Variants in KIAA1328 observed in about 807,000 individuals in gnomAD.
KIAA1328 encodes KIAA1328, also known as protein hinderin.
Under a neutral mutation model 68.1 loss-of-function variants are expected in KIAA1328, and 52 were observed. The ratio of observed to expected loss-of-function variants is 0.76; its 90% confidence interval spans 0.61 to 0.96. The LOEUF (loss-of-function observed/expected upper bound fraction) is 0.96, where lower values mean the gene tolerates loss of function less well. KIAA1328 is among the 40% of genes least tolerant of loss of function. The probability of loss-of-function intolerance (pLI) is 0.00; values close to 1 mark genes in which losing one functional copy is unlikely to be tolerated. For synonymous variants in KIAA1328, 232 were observed against 239.4 expected (o/e 0.97, Z 0.28); for missense variants, 641 against 677.6 (o/e 0.95, Z 0.60).
intron 6 of KIAA1328, among the ~76,000 whole-genome samples, chr18:36,993,472 T>C (rs2053269497): frequency 6.6e-6 from 1 of 152,216 alleles, no homozygotes; most frequent in Admixed American, 6.5e-5. Context: ...GTATAGCTAT[T>C]AAAAGTTGGA....
intron 7 of KIAA1328, 118 bp from the exon 8 acceptor site, chr18:37,160,082 A>G: frequency 1.4e-6 from 1 of 692,626 alleles, no homozygotes; most frequent in Non-Finnish European, 2.2e-6. Context: ...CCTCAATAAA[A>G]GGTAAGATAA....
In KIAA1328 at chr18:37,179,347, T is replaced by A. The variant is rs1476353636; in HGVS notation, c.1523+6266T>A. Among the ~76,000 whole-genome samples, 4 of 152,256 alleles carry A rather than the reference T, an allele frequency of 2.6e-5. No homozygotes were observed. The East Asian group carries it at 7.7e-4, about 29-fold the overall frequency. ...AGACTGTCCTTTTTCCATTGTATGT[T>A]CTTCACACCTTTGTCAAATATCAGT... On this transcript the variant is annotated intron_variant, in intron 9 of 9. Coordinates refer to ENST00000280020, the MANE Select transcript of KIAA1328 (RefSeq NM_020776.3).
At chr18:37,204,343 T>C (rs2060175339) in intron 9 of KIAA1328, among the ~76,000 whole-genome samples, 1 of 152,226 alleles carries the variant, frequency 6.6e-6, no homozygotes, top group African/African-American at 2.4e-5. Context: ...TACCAAAGAT[T>C]ACTAAGTCAC....
At chr18:37,130,849 G>A (rs1297273177) in intron 7 of KIAA1328, among the ~76,000 whole-genome samples, 2 of 152,106 alleles carry the variant, frequency 1.3e-5, no homozygotes, top group Non-Finnish European at 2.9e-5. Context: ...AGCTTACACT[G>A]ATTTTTTTCT....
intron 4 of KIAA1328, among the ~76,000 whole-genome samples, chr18:36,870,262 G>T (rs2047901046): frequency 6.6e-6 from 1 of 152,172 alleles, no homozygotes; most frequent in Non-Finnish European, 1.5e-5. Context: ...TTTTGGAAGA[G>T]ATGATCAGTT....
chr18:37,034,393 ATTTAT>A (rs1464540545), intron 6 of KIAA1328, among the ~76,000 whole-genome samples: 3 of 152,150 alleles, frequency 2.0e-5, no homozygotes, highest in African/African-American at 7.2e-5. Context: ...CTTGTAAAGT[ATTTAT>A]TTTGAGAGCC....
intron 7 of KIAA1328, among the ~76,000 whole-genome samples, chr18:37,077,713 G>A (rs1191528004): frequency 1.5e-5 from 2 of 132,854 alleles, no homozygotes; most frequent in Admixed American, 1.5e-4. Flanking sequence ...AATCATGAGT[G>A]AACTCCCATT....
intron 5 of KIAA1328, among the ~76,000 whole-genome samples, chr18:36,917,775 G>C (rs533575933): frequency 6.6e-6 from 1 of 151,980 alleles, no homozygotes; most frequent in Non-Finnish European, 1.5e-5. Context: ...CCTTAACTCT[G>C]TTTTCTGATT....
In KIAA1328 at chr18:37,142,763, C is replaced by A. The variant is rs562719233; in HGVS notation, c.1233-17437C>A. Among the ~76,000 whole-genome samples, 475 of 152,118 alleles carry A rather than the reference C, an allele frequency of 3.1e-3. 2 individuals carry two copies. The highest frequency in any genetic ancestry group is 5.8e-3 in the Non-Finnish European group (394 of 67,998). On this transcript the variant is annotated intron_variant, in intron 7 of 9. Transcript: ENST00000280020. ...AAATTAGGTATAGTAAACCTTCAAGCCTTACTTTTTTATTAAAAATTATTT... is the reference window on the plus strand; with the variant it reads ...AAATTAGGTATAGTAAACCTTCAAGACTTACTTTTTTATTAAAAATTATTT...
intron 6 of KIAA1328, among the ~76,000 whole-genome samples, chr18:36,967,631 G>A (rs1027104287): frequency 4.6e-5 from 7 of 152,156 alleles, no homozygotes; most frequent in Admixed American, 3.9e-4. Flanking sequence ...CAAAGGACTG[G>A]GACATCAGGA....
At chr18:37,053,549 A>G (rs910836937) in intron 6 of KIAA1328, among the ~76,000 whole-genome samples, 4 of 152,238 alleles carry the variant, frequency 2.6e-5, no homozygotes, top group Admixed American at 6.5e-5. Context: ...GTAAAAAGAC[A>G]GCCTTAAGAA....
At chr18:37,165,555 G>T (rs866011960) in intron 8 of KIAA1328, among the ~76,000 whole-genome samples, 1 of 150,748 alleles carries the variant, frequency 6.6e-6, no homozygotes. Flanking sequence ...GAGTAGCTGG[G>T]ATTACAGGTG....
At chr18:36,873,621 C>T (rs1213847251) in intron 4 of KIAA1328, among the ~76,000 whole-genome samples, 20 of 152,140 alleles carry the variant, frequency 1.3e-4, no homozygotes, top group Admixed American at 3.3e-4. Flanking sequence ...ACCACAATAA[C>T]TGATTTTCCT....
In KIAA1328 at chr18:36,957,588, T is replaced by C. The variant is rs375438183; in HGVS notation, c.449-1720T>C. Among the ~76,000 whole-genome samples the C allele has an allele frequency of 2.0e-5, 3 of 152,250 alleles. No individual in the cohort carries two copies. In the South Asian group the frequency reaches 6.2e-4, roughly 32 times the overall value. On this transcript the variant is annotated intron_variant, in intron 5 of 9. Coordinates refer to ENST00000280020, the MANE Select transcript of KIAA1328 (RefSeq NM_020776.3). ...TTCTTTGTACCAAATTATAAAATTA[T>C]AAAACAAGTAGGGAGGTATGTGTTC...
At chr18:37,168,626 A>G (rs1013494250) in intron 8 of KIAA1328, among the ~76,000 whole-genome samples, 4 of 152,250 alleles carry the variant, frequency 2.6e-5, no homozygotes, top group African/African-American at 7.2e-5. Context: ...ACATATTTCT[A>G]AAGTTCAAAA....
Position 36,892,221 on chromosome 18 carries a change from T to C in KIAA1328, c.448+6549T>C, listed in dbSNP as rs544717517. On this transcript the variant is annotated intron_variant, in intron 5 of 9. Coordinates refer to ENST00000280020, the MANE Select transcript of KIAA1328 (RefSeq NM_020776.3). ...ATGTCAGGAGAGGTAGAAAAAATTT[T>C]CACAAAAAAAGAATGTAAGTTTCAA... is the stretch of plus-strand genomic sequence containing the variant. Among the ~76,000 whole-genome samples, 64 of 152,162 alleles carry C rather than the reference T, an allele frequency of 4.2e-4. No individual in the cohort carries two copies. In the South Asian group the frequency reaches 0.013, roughly 31 times the overall value.
intron 9 of KIAA1328, among the ~76,000 whole-genome samples, chr18:37,204,825 C>T (rs898768854): frequency 1.3e-5 from 2 of 149,994 alleles, no homozygotes; most frequent in African/African-American, 4.9e-5. Context: ...GCAGAAAGGC[C>T]TTTAAAAAAA....
At chr18:36,838,821 G>A (rs113285621) in intron 3 of KIAA1328, among the ~76,000 whole-genome samples, 8 of 151,948 alleles carry the variant, frequency 5.3e-5, no homozygotes, top group African/African-American at 1.5e-4. Flanking sequence ...TGCAACCTCC[G>A]CTTCCCAGGT....
intron 5 of KIAA1328, among the ~76,000 whole-genome samples, chr18:36,951,713 C>T (rs1296955930): frequency 6.6e-6 from 1 of 152,200 alleles, no homozygotes; most frequent in African/African-American, 2.4e-5. Context: ...ATTCTGCATT[C>T]TCTGTCTTAT....
Sources: allele counts gnomAD v4.1 joint callset (sites outside exome capture counted in the v4.1 genomes callset), GRCh38; gene constraint gnomAD v4.1.1; transcripts MANE v1.5; gene names NCBI Gene and HGNC (gene_info 2026-07-23, HGNC 2026-07-21).